The following LOC128706666 variants were observed in gnomAD, a reference collection of about 807,000 sequenced individuals.
the LOC128706666 span, among the ~76,000 whole-genome samples, chr20:10,427,199 T>C: frequency 6.6e-6 from 1 of 152,158 alleles, no homozygotes; most frequent in African/African-American, 2.4e-5. Flanking sequence ...GTTTTTTTAA[T>C]TGCTTCCTGC....
the LOC128706666 span, among the ~76,000 whole-genome samples, chr20:10,423,765 A>G: frequency 6.6e-6 from 1 of 152,244 alleles, no homozygotes; most frequent in African/African-American, 2.4e-5. Context: ...TAACTTAAGG[A>G]TCGATGAATC....
the LOC128706666 span, chr20:10,420,662 C>T: frequency 6.6e-6 from 1 of 152,218 alleles, no homozygotes; most frequent in South Asian, 2.1e-4. Context: ...CTGTACCACC[C>T]CAAATGTATG....
chr20:10,423,758 C>T, the LOC128706666 span, among the ~76,000 whole-genome samples: 15 of 152,264 alleles, frequency 9.9e-5, no homozygotes, highest in African/African-American at 3.4e-4. Context: ...ATTAGGATAA[C>T]TTAAGGATCG....
the LOC128706666 span, chr20:10,420,680 C>G: frequency 6.6e-5 from 10 of 152,252 alleles, no homozygotes; most frequent in Non-Finnish European, 1.2e-4. Context: ...ATGAGCCCAA[C>G]TAAAGGGACC....
At chr20:10,418,078 TAAAG>T in the LOC128706666 span, among the ~76,000 whole-genome samples, 15 of 152,208 alleles carry the variant, frequency 9.9e-5, no homozygotes, top group Non-Finnish European at 1.6e-4. Context: ...AAATTGTAGG[TAAAG>T]AGTCACTGTT....
At chr20:10,430,855 A>T in the LOC128706666 span, among the ~76,000 whole-genome samples, 5 of 152,232 alleles carry the variant, frequency 3.3e-5, 1 homozygote, top group African/African-American at 1.2e-4. Flanking sequence ...CAAATGTGAG[A>T]ATCCTACAAT....
chr20:10,429,046 A>C, the LOC128706666 span, among the ~76,000 whole-genome samples: 2 of 152,216 alleles, frequency 1.3e-5, no homozygotes, highest in Non-Finnish European at 1.5e-5. Flanking sequence ...AAAGAGTCAA[A>C]AACAAATTCC....
chr20:10,429,463 C>T, the LOC128706666 span, among the ~76,000 whole-genome samples: 2 of 152,202 alleles, frequency 1.3e-5, no homozygotes. Flanking sequence ...CCAGCTTAGA[C>T]CCACATAATA....
the LOC128706666 span, chr20:10,413,974 A>G: frequency 2.5e-6 from 1 of 402,042 alleles, no homozygotes; most frequent in African/African-American, 2.1e-5. Context: ...ATACTTCCCA[A>G]GCAGTTTGTA....
chr20:10,420,441 C>T, the LOC128706666 span: 1 of 152,156 alleles, frequency 6.6e-6, no homozygotes, highest in African/African-American at 2.4e-5. Flanking sequence ...CCAATTTAGG[C>T]TTTTCCTTGC....
chr20:10,421,902 T>C, the LOC128706666 span, among the ~76,000 whole-genome samples: 1 of 152,082 alleles, frequency 6.6e-6, no homozygotes, highest in Admixed American at 6.6e-5. Context: ...CTTATACTCT[T>C]AATAAGGACT....
chr20:10,425,922 T>A, the LOC128706666 span, among the ~76,000 whole-genome samples: 1 of 152,202 alleles, frequency 6.6e-6, no homozygotes, highest in Admixed American at 6.5e-5. Context: ...TCAAGAGACA[T>A]GAAATGAGAT....
chr20:10,419,309 T>C, the LOC128706666 span, among the ~76,000 whole-genome samples: 7 of 152,142 alleles, frequency 4.6e-5, no homozygotes, highest in Non-Finnish European at 1.5e-5. Context: ...ATGAGTTTCA[T>C]AATTCAGAAT....
the LOC128706666 span, among the ~76,000 whole-genome samples, chr20:10,418,432 A>G: frequency 1.3e-5 from 2 of 152,176 alleles, no homozygotes; most frequent in African/African-American, 4.8e-5. Flanking sequence ...AAGAATAGAA[A>G]ATAAGAGACA....
chr20:10,427,029 G>GACACACACACAGACACACACACACAC, the LOC128706666 span, among the ~76,000 whole-genome samples: 164 of 130,774 alleles, frequency 1.3e-3, no homozygotes, highest in African/African-American at 3.6e-3. Context: ...AGAAAACACT[G>GACACACACACAGACACACACACACAC]ACACACACAC....
the LOC128706666 span, among the ~76,000 whole-genome samples, chr20:10,425,053 C>CAA: frequency 0.16 from 19,758 of 122,108 alleles, 1,497 homozygotes; most frequent in East Asian, 0.28. Context: ...AACTCCGTCT[C>CAA]AAAAAAAAAA....
At chr20:10,414,563 C>T in the LOC128706666 span, among the ~76,000 whole-genome samples, 2 of 152,130 alleles carry the variant, frequency 1.3e-5, no homozygotes, top group South Asian at 4.1e-4. Context: ...CTGTGCCCGG[C>T]AAGTCTCTGA....
chr20:10,420,367 T>C, the LOC128706666 span, among the ~76,000 whole-genome samples: 1 of 152,160 alleles, frequency 6.6e-6, no homozygotes, highest in Non-Finnish European at 1.5e-5. Flanking sequence ...CAACGAACTT[T>C]TCTAGAAACA....
the LOC128706666 span, among the ~76,000 whole-genome samples, chr20:10,423,637 T>C: frequency 1.8e-3 from 274 of 152,314 alleles, 7 homozygotes; most frequent in South Asian, 0.046. Context: ...GAAAATTATA[T>C]AGGGTTAGCT....
Sources: allele counts gnomAD v4.1 joint callset (sites outside exome capture counted in the v4.1 genomes callset), GRCh38; gene constraint gnomAD v4.1.1; transcripts MANE v1.5.